ADGRL3: variants seen among roughly 807,000 people sequenced by gnomAD.
ADGRL3 encodes calcium-independent alpha-latrotoxin receptor 3.
In ADGRL3, 62 loss-of-function variants were observed where a neutral mutation model predicts 153.5. The ratio of observed to expected loss-of-function variants is 0.40; its 90% CI spans 0.33 to 0.50. The LOEUF (loss-of-function observed/expected upper bound fraction) is 0.50, where lower values mean the gene tolerates loss of function less well. Among genes scored for constraint, ADGRL3 ranks in the 20% least tolerant of loss-of-function variants. The pLI is 0.47. For missense variants in ADGRL3, 1,641 were observed against 1,859.4 expected (o/e 0.88, Z 2.16); for synonymous variants, 710 against 672.5 (o/e 1.06, Z -0.86).
At chr4:61,674,582 A>G (rs1169810747) in intron 5 of ADGRL3, among the ~76,000 whole-genome samples, 1 of 151,880 alleles carries the variant, frequency 6.6e-6, no homozygotes, top group Non-Finnish European at 1.5e-5. Flanking sequence ...CAGAATATTT[A>G]CATTATATTA....
chr4:61,747,531 T>A (rs1380290132), intron 8 of ADGRL3, among the ~76,000 whole-genome samples: 1 of 146,010 alleles, frequency 6.8e-6, no homozygotes, highest in Admixed American at 7.0e-5. Flanking sequence ...GCTTCATCCC[T>A]GGGATGCAAG....
intron 9 of ADGRL3, among the ~76,000 whole-genome samples, chr4:61,871,374 A>G (rs1043380538): frequency 3.3e-4 from 51 of 152,312 alleles, no homozygotes; most frequent in African/African-American, 1.1e-3. Context: ...CAACAGATTA[A>G]TGGAATATTA....
chr4:61,422,746 A>G (rs995041022), intron 2 of ADGRL3, among the ~76,000 whole-genome samples: 6 of 151,942 alleles, frequency 3.9e-5, no homozygotes, highest in Admixed American at 1.3e-4. Flanking sequence ...TTTCACTTAC[A>G]TAAAATAATT....
intron 1 of ADGRL3, among the ~76,000 whole-genome samples, chr4:61,289,736 A>G (rs1242754733): frequency 2.0e-5 from 3 of 152,028 alleles, no homozygotes; most frequent in African/African-American, 4.8e-5. Flanking sequence ...TTAAATAAAT[A>G]CAAAAGCCAA....
chr4:61,556,577 T>C (rs2098768342), intron 4 of ADGRL3, among the ~76,000 whole-genome samples: 1 of 152,094 alleles, frequency 6.6e-6, no homozygotes, highest in African/African-American at 2.4e-5. Flanking sequence ...TGGACAACAA[T>C]TTGCAGTAGG....
intron 2 of ADGRL3, among the ~76,000 whole-genome samples, chr4:61,465,715 T>A (rs949295774): frequency 6.8e-6 from 1 of 146,994 alleles, no homozygotes; most frequent in African/African-American, 2.5e-5. Flanking sequence ...ACATAGTTTA[T>A]CTTGGATACT....
At chr4:61,739,461 G>C (rs2096558259) in intron 8 of ADGRL3, among the ~76,000 whole-genome samples, 1 of 152,082 alleles carries the variant, frequency 6.6e-6, no homozygotes, top group African/African-American at 2.4e-5. Context: ...AAAGTGCTGG[G>C]ATTTCAGGTG....
At chr4:61,510,646 G>A (rs994268030) in intron 3 of ADGRL3, among the ~76,000 whole-genome samples, 1 of 152,178 alleles carries the variant, frequency 6.6e-6, no homozygotes, top group African/African-American at 2.4e-5. Context: ...GTACCACACT[G>A]TTTTGGTCAT....
intron 2 of ADGRL3, among the ~76,000 whole-genome samples, chr4:61,407,813 C>G (rs2097022901): frequency 6.6e-6 from 1 of 152,150 alleles, no homozygotes. Context: ...TATGTATGTA[C>G]TCTCTAAATG....
At chr4:61,431,012 T>A (rs899950365) in intron 2 of ADGRL3, among the ~76,000 whole-genome samples, 1 of 152,200 alleles carries the variant, frequency 6.6e-6, no homozygotes, top group Admixed American at 6.5e-5. Flanking sequence ...CTAATATCTC[T>A]TTTCCTTCCA....
intron 5 of ADGRL3, among the ~76,000 whole-genome samples, chr4:61,619,039 A>AT (rs1021956936): frequency 1.3e-5 from 2 of 152,272 alleles, no homozygotes; most frequent in South Asian, 2.1e-4. Context: ...TTTAAGTCAC[A>AT]TTTTTTTAAA....
intron 4 of ADGRL3, among the ~76,000 whole-genome samples, chr4:61,580,459 A>G (rs1219471490): frequency 6.6e-6 from 1 of 152,116 alleles, no homozygotes; most frequent in Non-Finnish European, 1.5e-5. Context: ...TAATTTTTCA[A>G]TATCTATCTA....
intron 4 of ADGRL3, among the ~76,000 whole-genome samples, chr4:61,550,179 G>T (rs13139436): frequency 2.0e-5 from 3 of 151,232 alleles, no homozygotes; most frequent in Non-Finnish European, 4.4e-5. Context: ...ATTTAATTCA[G>T]ATAGTATATT....
At chr4:61,651,130 C>A (rs2094231438) in intron 5 of ADGRL3, among the ~76,000 whole-genome samples, 1 of 152,030 alleles carries the variant, frequency 6.6e-6, no homozygotes, top group African/African-American at 2.4e-5. Flanking sequence ...AAGAAAAGTT[C>A]TAGCTTATGG....
intron 3 of ADGRL3, among the ~76,000 whole-genome samples, chr4:61,503,447 T>G (rs890769547): frequency 9.2e-5 from 14 of 152,050 alleles, no homozygotes; most frequent in Admixed American, 6.6e-5. Context: ...TTGAACAAAT[T>G]TAAAAATATT....
chr4:61,549,884 T>A (rs1452269729), intron 4 of ADGRL3, among the ~76,000 whole-genome samples: 1 of 152,032 alleles, frequency 6.6e-6, no homozygotes, highest in Admixed American at 6.6e-5. Flanking sequence ...CAGCAACATA[T>A]TGATACACAT....
rs569526871 is a variant in ADGRL3, at chr4:61,775,816, A to G, written c.1400-37993A>G. 126 of 645,726 alleles carry G rather than the reference A, an allele frequency of 2.0e-4. No homozygotes were observed. In the African/African-American group the frequency reaches 2.0e-3, roughly 10 times the overall value. 40.0% of individuals were successfully genotyped at this position (645,726 alleles called of 1,614,324 possible). A position where few individuals can be genotyped will look rare whatever the true frequency, so the allele number is the denominator to read the frequency against. On this transcript the variant is annotated intron_variant, in intron 8 of 26. Transcript: ENST00000683033. ...CTCCTGTAAAGCAGTATTAACGTCCATTACGCTTCCAGCAGCAATACCTTC... is the reference window on the plus strand; with the variant it reads ...CTCCTGTAAAGCAGTATTAACGTCCGTTACGCTTCCAGCAGCAATACCTTC...
intron 8 of ADGRL3, among the ~76,000 whole-genome samples, chr4:61,773,088 C>T (rs1297635999): frequency 6.6e-6 from 1 of 152,106 alleles, no homozygotes; most frequent in Non-Finnish European, 1.5e-5. Context: ...GTCGATCATA[C>T]TGAACTGTTC....
chr4:61,465,777 A>ATATATATATATATC lies in ADGRL3; in HGVS notation c.-173-31343_-173-31342insATATATATATATCT, dbSNP rs1480766959. 8.9e-5 allele frequency among the ~76,000 whole-genome samples: 13 copies of ATATATATATATATC among 145,426 alleles called. No homozygotes were observed. In the East Asian group the frequency reaches 2.2e-3, roughly 25 times the overall value. ...TATATAAATATATATATATATATATATCTTATATGGAATATATATTTTCGT... is the reference window on the plus strand; with the variant it reads ...TATATAAATATATATATATATATATATATATATATATATCTCTTATATGGAATATATATTTTCGT... On this transcript the variant is annotated intron_variant, in intron 2 of 26. Coordinates refer to ENST00000683033, the MANE Select transcript of ADGRL3 (RefSeq NM_001387552.1).
Sources: gnomAD v4.1 joint callset for allele counts (sites outside exome capture counted in the v4.1 genomes callset) on GRCh38, gnomAD v4.1.1 for gene constraint, MANE v1.5 for transcripts, NCBI Gene and HGNC (gene_info 2026-07-23, HGNC 2026-07-21) for gene names.